Variants in CCDC102B observed in about 807,000 individuals in gnomAD.
CCDC102B encodes coiled-coil domain-containing protein 102B.
CCDC102B carries 75 observed loss-of-function variants against 57.4 expected under a neutral mutation model. The observed-to-expected ratio is 1.31, with a 90% confidence interval of 1.08 to 1.58. The LOEUF (loss-of-function observed/expected upper bound fraction) is 1.58, where lower values mean the gene tolerates loss of function less well. CCDC102B is among the 40% of genes most tolerant of loss of function. The pLI, the probability that CCDC102B is intolerant of heterozygous loss-of-function variation, is 0.00. For missense variants in CCDC102B, 636 were observed against 582.6 expected, an observed-to-expected ratio of 1.09 and a Z score of -0.94; for synonymous variants, 206 against 201.9, an observed-to-expected ratio of 1.02 and a Z score of -0.17.
At chr18:68,948,566 A>G (rs2145189967) in intron 6 of CCDC102B, among the ~76,000 whole-genome samples, 1 of 152,164 alleles carries the variant, frequency 6.6e-6, no homozygotes, top group South Asian at 2.1e-4. Flanking sequence ...AAAAGCCTCA[A>G]ATGGGTCCAC....
At chr18:68,810,849 C>T (rs567944423) in intron 1 of CCDC102B, among the ~76,000 whole-genome samples, 5 of 152,000 alleles carry the variant, frequency 3.3e-5, no homozygotes, top group Non-Finnish European at 7.4e-5. Context: ...TTGCTCCCCA[C>T]CACCCAACAG....
rs930163 is a variant in CCDC102B, at chr18:69,011,279, A to T, written c.1434+175A>T. The T allele has an allele frequency of 1.4e-5, 9 of 622,644 alleles. No individual in the cohort carries two copies. The South Asian group carries it at 2.2e-4, about 15-fold the overall frequency. The allele number at this position is 622,644 out of a possible 1,614,324, so 38.6% of individuals were successfully genotyped here. A position where few individuals can be genotyped will look rare whatever the true frequency, so the allele number is the denominator to read the frequency against. ...AAATAAGATTACACAGACAATGTGC[A>T]CATGTTTGTGGCGGTAATAGTATAT... On this transcript the variant is annotated intron_variant, in intron 7 of 7. Transcript: ENST00000360242.
chr18:68,753,130 A>G (rs2033924806), intron 2 of CCDC102B: 1 of 152,192 alleles, frequency 6.6e-6, no homozygotes, highest in African/African-American at 2.4e-5. Flanking sequence ...AAAAAATTGT[A>G]AAGTACAATG....
At chr18:68,902,254 T>C (rs1306311678) in intron 6 of CCDC102B, 1 of 152,196 alleles carries the variant, frequency 6.6e-6, no homozygotes, top group Non-Finnish European at 1.5e-5. Context: ...TTTTTCTTTC[T>C]GGAGGAAAAA....
In CCDC102B at chr18:68,790,702, C is replaced by T. The variant is rs867725233; in HGVS notation, c.-66-32664C>T. Among the ~76,000 whole-genome samples the T allele has an allele frequency of 6.3e-4, 96 of 152,204 alleles. No homozygotes were observed. In the Middle Eastern group the frequency reaches 0.01, roughly 16 times the overall value. On this transcript the variant is annotated intron_variant, in intron 2 of 3. Coordinates refer to the CCDC102B transcript ENST00000578970. ...CCTGCTTCGGCTCGTGCACGGTGCG[C>T]GCACCCACTGACCTGCGCCCACTGT...
chr18:68,913,251 G>T (rs2040936475), intron 6 of CCDC102B, among the ~76,000 whole-genome samples: 1 of 150,434 alleles, frequency 6.6e-6, no homozygotes, highest in South Asian at 2.1e-4. Context: ...TAACTAGAAA[G>T]AATCATCTCT....
At chr18:68,969,447 T>A (rs1256040535) in intron 6 of CCDC102B, among the ~76,000 whole-genome samples, 1 of 152,014 alleles carries the variant, frequency 6.6e-6, no homozygotes, top group African/African-American at 2.4e-5. Context: ...CTAACATTTA[T>A]TTCTTATTTC....
At chr18:68,967,346 G>T (rs1028571277) in intron 6 of CCDC102B, among the ~76,000 whole-genome samples, 1 of 151,976 alleles carries the variant, frequency 6.6e-6, no homozygotes, top group Non-Finnish European at 1.5e-5. Context: ...AACTAACTTG[G>T]TGCTCAAATC....
At chr18:68,950,668 G>T (rs1446927796) in intron 6 of CCDC102B, among the ~76,000 whole-genome samples, 3 of 151,958 alleles carry the variant, frequency 2.0e-5, no homozygotes, top group Non-Finnish European at 4.4e-5. Flanking sequence ...GATCATTTTG[G>T]CATATACACA....
intron 6 of CCDC102B, among the ~76,000 whole-genome samples, chr18:68,959,199 A>C (rs1302847434): frequency 1.3e-5 from 2 of 152,182 alleles, no homozygotes; most frequent in Non-Finnish European, 1.5e-5. Context: ...GTCTTTGGTC[A>C]CTACAGTCAT....
chr18:69,048,232 T>C (rs1391949527), intron 7 of CCDC102B, among the ~76,000 whole-genome samples: 3 of 151,652 alleles, frequency 2.0e-5, no homozygotes, highest in Admixed American at 6.6e-5. Context: ...GTTTTTTTTT[T>C]CCCAAGTAGG....
chr18:68,958,165 C>A (rs575527888), intron 6 of CCDC102B, among the ~76,000 whole-genome samples: 85 of 152,236 alleles, frequency 5.6e-4, no homozygotes, highest in Admixed American at 2.2e-3. Flanking sequence ...ATGGGAAAGA[C>A]CTGCCCTGGT....
intron 7 of CCDC102B, among the ~76,000 whole-genome samples, chr18:69,039,750 A>G (rs531549832): frequency 1.3e-5 from 2 of 152,052 alleles, no homozygotes; most frequent in Admixed American, 6.6e-5. Context: ...GCCATTTATT[A>G]CTTCCAGTCT....
chr18:69,015,219 T>C (rs889128915), intron 7 of CCDC102B, among the ~76,000 whole-genome samples: 5 of 152,202 alleles, frequency 3.3e-5, no homozygotes, highest in African/African-American at 1.2e-4. Context: ...TATTGAAATA[T>C]ATGTTTAACA....
chr18:68,843,717 A>G (rs1209828601), intron 3 of CCDC102B, among the ~76,000 whole-genome samples: 2 of 152,050 alleles, frequency 1.3e-5, no homozygotes, highest in Non-Finnish European at 2.9e-5. Flanking sequence ...AAACTATGCA[A>G]CAATTTAGAG....
At chr18:68,763,608 CAATAATGATAAA>C (rs2034324758) in intron 2 of CCDC102B, among the ~76,000 whole-genome samples, 1 of 151,788 alleles carries the variant, frequency 6.6e-6, no homozygotes, top group African/African-American at 2.4e-5. Context: ...TTTCTATACT[CAATAATGATAAA>C]AATATAAACA....
chr18:69,003,991 T>A (rs567676167), intron 6 of CCDC102B, among the ~76,000 whole-genome samples: 1 of 152,330 alleles, frequency 6.6e-6, no homozygotes, highest in South Asian at 2.1e-4. Flanking sequence ...ATACTCACTT[T>A]ACACATATTC....
intron 1 of CCDC102B, among the ~76,000 whole-genome samples, chr18:68,828,702 A>G (rs2037016248): frequency 6.6e-6 from 1 of 151,624 alleles, no homozygotes; most frequent in African/African-American, 2.4e-5. Flanking sequence ...CAATTCAAAT[A>G]TATTTGAATT....
intron 2 of CCDC102B, among the ~76,000 whole-genome samples, chr18:68,767,769 T>C (rs1599432039): frequency 6.6e-6 from 1 of 152,182 alleles, no homozygotes; most frequent in Non-Finnish European, 1.5e-5. Context: ...TCAAGATTTA[T>C]GTTAAATATA....
Sources: gnomAD v4.1 joint callset for allele counts (sites outside exome capture counted in the v4.1 genomes callset) on GRCh38, gnomAD v4.1.1 for gene constraint, MANE v1.5 for transcripts, NCBI Gene and HGNC (gene_info 2026-07-23, HGNC 2026-07-21) for gene names.